ATRN: variants seen among roughly 807,000 people sequenced by gnomAD.
ATRN encodes attractin-2.
In ATRN, 54 loss-of-function variants were observed where a neutral mutation model predicts 178.7. The observed-to-expected ratio is 0.30, with a 90% CI of 0.24 to 0.38. The LOEUF is 0.38. ATRN is among the 10% of genes least tolerant of loss of function. The pLI, the probability that ATRN is intolerant of heterozygous loss-of-function variation, is 1.00. For missense variants in ATRN, 1,443 were observed against 1,815.1 expected (o/e 0.79, Z 3.73); for synonymous variants, 636 against 663.0 (o/e 0.96, Z 0.63).
intron 1 of ATRN, among the ~76,000 whole-genome samples, chr20:3,482,600 G>GAT (rs1390961267): frequency 6.6e-6 from 1 of 152,192 alleles, no homozygotes; most frequent in East Asian, 1.9e-4. Flanking sequence ...AAGTACTGGA[G>GAT]ATATCAAGGA....
At chr20:3,535,382 G>T (rs772239517) in intron 2 of ATRN, 46 bp downstream of exon 2, 25 of 1,092,508 alleles carry the variant, frequency 2.3e-5, no homozygotes, top group Non-Finnish European at 2.6e-5. Flanking sequence ...TAGCATAGAA[G>T]TCAGTGTGAC....
At chr20:3,479,626 C>T (rs2084590130) in intron 1 of ATRN, among the ~76,000 whole-genome samples, 1 of 152,168 alleles carries the variant, frequency 6.6e-6, no homozygotes, top group Non-Finnish European at 1.5e-5. Context: ...TGAAGTGCCA[C>T]AAACTCATGG....
intron 2 of ATRN, among the ~76,000 whole-genome samples, chr20:3,535,620 CACACACAT>C (rs1355579471): frequency 6.9e-6 from 1 of 144,490 alleles, no homozygotes; most frequent in East Asian, 2.0e-4. Flanking sequence ...CACACACACA[CACACACAT>C]ATATATTTAT....
intron 1 of ATRN, among the ~76,000 whole-genome samples, chr20:3,472,520 T>G (rs1344221807): frequency 6.6e-6 from 1 of 152,162 alleles, no homozygotes; most frequent in Non-Finnish European, 1.5e-5. Context: ...AACAGGCACT[T>G]AACAAGTAAA....
At chr20:3,630,193 T>C (rs1268960899) in intron 25 of ATRN, among the ~76,000 whole-genome samples, 1 of 152,146 alleles carries the variant, frequency 6.6e-6, no homozygotes, top group African/African-American at 2.4e-5. Context: ...TTCCAAGGGG[T>C]AAGCTAAATT....
chr20:3,591,111 A>G, intron 18 of ATRN, 58 bp from the exon 19 acceptor site: 1 of 1,467,434 alleles, frequency 6.8e-7, no homozygotes, highest in Non-Finnish European at 9.1e-7. Flanking sequence ...ATCTTATTGA[A>G]CTTAACTACA....
intron 10 of ATRN, among the ~76,000 whole-genome samples, chr20:3,565,115 A>G (rs763371115): frequency 2.0e-5 from 3 of 152,080 alleles, no homozygotes; most frequent in Non-Finnish European, 4.4e-5. Context: ...TCCAGATGTC[A>G]TGGATTTCGG....
chr20:3,495,780 A>G (rs7269273), intron 1 of ATRN, among the ~76,000 whole-genome samples: 22,620 of 151,896 alleles, frequency 0.15, 2,134 homozygotes, highest in Non-Finnish European at 0.21. Context: ...AAAAAAAACA[A>G]AACCCACTGT....
rs780853071 is a variant in ATRN at position 3,646,894 on chromosome 20, CCAGAGCCATCTG to C, written c.*51_*62del. 13 of 1,605,948 alleles carry C rather than the reference CCAGAGCCATCTG, an allele frequency of 8.1e-6. No homozygotes were observed. The South Asian group carries it at 1.4e-4, about 18-fold the overall frequency. ...CACGCACGAGCTAGTGAGTGGCACA[CCAGAGCCATCTG>C]CAGGGAAGGGCGTGGCGGGGAAATG... On this transcript the variant is annotated 3_prime_UTR_variant, in exon 29 of 29. Transcript: ENST00000262919.
At chr20:3,575,718 A>G (rs2086198894) in intron 12 of ATRN, 109 bp from the exon 13 acceptor site, 2 of 1,243,892 alleles carry the variant, frequency 1.6e-6, no homozygotes, top group East Asian at 2.4e-5. Context: ...TGCCAGTTTC[A>G]TTCTTCATTT....
chr20:3,507,069 T>C (rs1472421690), intron 1 of ATRN, among the ~76,000 whole-genome samples: 3 of 151,244 alleles, frequency 2.0e-5, no homozygotes, highest in Non-Finnish European at 4.4e-5. Flanking sequence ...TTTTTTTTAA[T>C]GGCAAAAACC....
intron 1 of ATRN, chr20:3,490,335 A>C: frequency 9.9e-7 from 1 of 1,013,046 alleles, no homozygotes; most frequent in Admixed American, 1.7e-5. Flanking sequence ...TCTTTCGCCC[A>C]TCCAGGAAGG....
intron 1 of ATRN, among the ~76,000 whole-genome samples, chr20:3,479,876 T>G (rs1207263160): frequency 6.6e-6 from 1 of 152,198 alleles, no homozygotes; most frequent in African/African-American, 2.4e-5. Context: ...GTCTCTGTCT[T>G]TTCTCTTAAG....
intron 1 of ATRN, chr20:3,490,370 ACT>A: frequency 4.0e-6 from 4 of 989,148 alleles, no homozygotes; most frequent in Non-Finnish European, 4.9e-6. Flanking sequence ...TTCTTCTCAA[ACT>A]CAGCCTGAAT....
At chr20:3,623,206 A>G (rs1386016210) in intron 24 of ATRN, among the ~76,000 whole-genome samples, 1 of 152,200 alleles carries the variant, frequency 6.6e-6, no homozygotes, top group Non-Finnish European at 1.5e-5. Flanking sequence ...CTTTTATGTG[A>G]GGACCATGGC....
chr20:3,562,742 G>T (rs146669003), intron 9 of ATRN, among the ~76,000 whole-genome samples: 111 of 152,264 alleles, frequency 7.3e-4, no homozygotes, highest in African/African-American at 2.5e-3. Flanking sequence ...TAAAGCGATG[G>T]TTTCTCCTCT....
intron 24 of ATRN, among the ~76,000 whole-genome samples, chr20:3,604,755 G>C (rs2086656578): frequency 1.3e-5 from 2 of 152,224 alleles, no homozygotes; most frequent in African/African-American, 4.8e-5. Context: ...GAGGTGGATT[G>C]ATTCCTGGCT....
At chr20:3,509,961 C>T (rs1425932045) in intron 1 of ATRN, among the ~76,000 whole-genome samples, 2 of 152,136 alleles carry the variant, frequency 1.3e-5, no homozygotes, top group Non-Finnish European at 2.9e-5. Flanking sequence ...AGCACACATA[C>T]ACAGATATGT....
Position 3,645,500 on chromosome 20 carries a change from T to A in ATRN, c.4166-1223T>A. Reference sequence around the variant, plus strand: ...CCAGCCCAGCAAACAGTGGCTGGTGTGCCCTGAGGGCAGGGTGGCGGCTGG... The same window carrying A: ...CCAGCCCAGCAAACAGTGGCTGGTGAGCCCTGAGGGCAGGGTGGCGGCTGG... On this transcript the variant is annotated intron_variant, in intron 28 of 28. Transcript: ENST00000262919. This position sits in a 1 kb window ranked among gnomAD's most constrained non-coding sequence, Gnocchi z 4.7. Among the ~76,000 whole-genome samples the A allele has an allele frequency of 6.6e-6, 1 of 152,228 alleles. No individual in the cohort carries two copies. Among genetic ancestry groups the A allele is most frequent in the East Asian group, 1.9e-4 (1 of 5,198 alleles).
Sources: allele counts gnomAD v4.1 joint callset (sites outside exome capture counted in the v4.1 genomes callset), GRCh38; gene constraint gnomAD v4.1.1; non-coding constraint Gnocchi (gnomAD v3.1); transcripts MANE v1.5; gene names NCBI Gene and HGNC (gene_info 2026-07-23, HGNC 2026-07-21).